Variants in DRC7 observed in about 807,000 individuals in gnomAD.
The protein encoded by DRC7 is dynein regulatory complex subunit 7.
DRC7 carries 80 observed loss-of-function variants against 104.4 expected under a neutral mutation model. The ratio of observed to expected loss-of-function variants is 0.77; its 90% CI spans 0.64 to 0.92. The LOEUF (loss-of-function observed/expected upper bound fraction) is 0.92. Ranked by LOEUF, DRC7 falls within the 40% of genes least tolerant of loss-of-function variation. The pLI is 0.00. For missense variants in DRC7, 1,034 were observed against 1,141.1 expected (o/e 0.91, Z 1.35); for synonymous variants, 405 against 447.3 (o/e 0.91, Z 1.19).
At chr16:57,701,175 G>T (rs1175905675) in intron 5 of DRC7, among the ~76,000 whole-genome samples, 2 of 152,184 alleles carry the variant, frequency 1.3e-5, no homozygotes, top group African/African-American at 2.4e-5. Context: ...ATATCCTGGG[G>T]TTTTTGTAGT....
rs571649528 is a variant in DRC7 at position 57,727,557 on chromosome 16, A to G, written c.2196+148A>G. On this transcript the variant is annotated intron_variant, in intron 16 of 18. Coordinates refer to ENST00000360716, the MANE Select transcript of DRC7 (RefSeq NM_001289162.2). ...TGCGGTCATCCTTGCTGCTGAACTG[A>G]CCATTTCTATGGTTCATCCCAAAGA... 54 of 618,098 alleles carry G rather than the reference A, an allele frequency of 8.7e-5. No homozygotes were observed. The South Asian group carries it at 1.0e-3, about 12-fold the overall frequency. The allele number at this position is 618,098 out of a possible 1,614,324, so 38.3% of individuals were successfully genotyped here.
At chr16:57,721,765 A>T (rs574977064) in intron 10 of DRC7, 26 bp downstream of exon 10, 1 of 1,584,632 alleles carries the variant, frequency 6.3e-7, no homozygotes, top group Non-Finnish European at 8.7e-7. Context: ...GTATTCACTT[A>T]TCCTCTCCAG....
At chr16:57,702,264 C>A in intron 6 of DRC7, 134 bp downstream of exon 6, 1 of 811,736 alleles carries the variant, frequency 1.2e-6, no homozygotes, top group Non-Finnish European at 1.9e-6. Flanking sequence ...CCCTCACCAC[C>A]AGCCCTTCCG....
At chr16:57,703,170 T>C (rs1427254433) in intron 6 of DRC7, among the ~76,000 whole-genome samples, 1 of 133,548 alleles carries the variant, frequency 7.5e-6, no homozygotes, top group East Asian at 2.3e-4. Flanking sequence ...TGAGCCACCG[T>C]GCCTGGCCCT....
intron 8 of DRC7, among the ~76,000 whole-genome samples, chr16:57,708,566 G>A (rs1179238183): frequency 6.6e-6 from 1 of 152,138 alleles, no homozygotes; most frequent in African/African-American, 2.4e-5. Flanking sequence ...ATGAATATTT[G>A]TATACATATA....
Position 57,697,645 on chromosome 16 carries a change from C to G in DRC7, c.-37-268C>G, listed in dbSNP as rs922798764. ...AAATCGACACGTGCCTTTCCCTGTC[C>G]TGTCCTGAGGATGGCTTCCAACCGG... On this transcript the variant is annotated intron_variant, in intron 2 of 18. Transcript: ENST00000360716. Among the ~76,000 whole-genome samples the G allele has an allele frequency of 3.9e-5, 6 of 152,254 alleles. No individual in the cohort carries two copies. The South Asian group carries it at 1.2e-3, about 32-fold the overall frequency.
Position 57,731,235 on chromosome 16 carries a change from G to A in DRC7, c.2602G>A (p.Glu868Lys), listed in dbSNP as rs761797506. The A allele has an allele frequency of 1.9e-6, 3 of 1,613,596 alleles. No individual in the cohort carries two copies. Among genetic ancestry groups the A allele is most frequent in the South Asian group, 1.1e-5 (1 of 91,090 alleles). The change falls in exon 19 of 19, where the codon GAG becomes AAG. Residue 868 changes from glutamate to lysine, a missense_variant. Glu to Lys is a moderately conservative substitution (Grantham distance 56). Transcript: ENST00000360716. ...GCTCTACAAGGACCCACGCCTGGGG[G>A]AGCTCCAGAAAATATTCGCTTGATG... Reference protein sequence around the residue: ...EKLYKDPRLGELQKIFA With the variant: ...EKLYKDPRLGKLQKIFA
At chr16:57,728,309 C>T in intron 16 of DRC7, 81 bp from the exon 17 acceptor site, 1 of 1,365,906 alleles carries the variant, frequency 7.3e-7, no homozygotes, top group Non-Finnish European at 9.9e-7. Flanking sequence ...TGGCTTTGTG[C>T]TGGCACACTG....
Position 57,731,632 on chromosome 16 carries a change from A to C in DRC7, c.*374A>C. ...ATGGTCCCACAGCCATCTGCAAACA[A>C]CTGGTTATATCTCAATGTGACTAGG... On this transcript the variant is annotated 3_prime_UTR_variant, in exon 19 of 19. Transcript: ENST00000360716. The C allele has an allele frequency of 3.9e-6, 1 of 256,382 alleles. No homozygotes were observed. The highest frequency in any genetic ancestry group is 7.6e-6 in the Non-Finnish European group (1 of 131,656). 15.9% of individuals were successfully genotyped at this position (256,382 alleles called of 1,614,324 possible). A position where few individuals can be genotyped will look rare whatever the true frequency, so the allele number is the denominator to read the frequency against.
Position 57,726,927 on chromosome 16 carries a change from G to A in DRC7, c.2070G>A (p.Trp690Ter), listed in dbSNP as rs750887041. 6.2e-7 allele frequency: 1 copy of A among 1,609,068 alleles called. No individual in the cohort carries two copies. Among genetic ancestry groups the A allele is most frequent in the African/African-American group, 1.3e-5 (1 of 74,794 alleles). ...REEKLSRHQV[W>*]ESELEVLEIL... ...AGAAGCTGTCCAGACATCAGGTCTG[G>A]GAGTCAGAGCTGGAGGTAGGGTCCT... The change falls in exon 15 of 19, where the codon TGG becomes TGA. Residue 690 changes from tryptophan to a stop codon, truncating the protein, a stop_gained. Coordinates refer to ENST00000360716, the MANE Select transcript of DRC7 (RefSeq NM_001289162.2). LOFTEE classifies it high-confidence loss of function.
At chr16:57,701,472 GC>G (rs1163237044) in intron 5 of DRC7, 2 of 156,990 alleles carry the variant, frequency 1.3e-5, no homozygotes, top group Non-Finnish European at 2.8e-5. Context: ...GGGAGGCCCG[GC>G]TGCCCGTGGC....
Position 57,699,022 on chromosome 16 carries a change from C to T in DRC7, c.376C>T (p.Pro126Ser). The change falls in exon 4 of 19, where the codon CCC (proline) becomes TCC (serine). Residue 126 changes from proline to serine, a missense_variant and splice_region_variant. Transcript: ENST00000360716. ...FLHPLNECEV[P>S]KFVSTTLRPT... ...GCACCCCCTGAACGAGTGTGAAGTG[C>T]CCGTAAGGCTGGCATGTTGAGGGCA... 6.2e-7 allele frequency: 1 copy of T among 1,613,620 alleles called. No individual in the cohort carries two copies. Among genetic ancestry groups the T allele is most frequent in the South Asian group, 1.1e-5 (1 of 91,060 alleles).
At chr16:57,719,583 C>T (rs2148761821) in intron 9 of DRC7, among the ~76,000 whole-genome samples, 1 of 152,266 alleles carries the variant, frequency 6.6e-6, no homozygotes, top group South Asian at 2.1e-4. Flanking sequence ...GATCATAGCT[C>T]ACTGCAGCCT....
chr16:57,704,376 T>TACACACAAACACACACAC (rs2048690212), intron 6 of DRC7, among the ~76,000 whole-genome samples: 1 of 148,994 alleles, frequency 6.7e-6, no homozygotes, highest in African/African-American at 2.5e-5. Context: ...CACGCAAGCG[T>TACACACAAACACACACAC]ACACACACAC....
chr16:57,701,113 A>C (rs1219331545), intron 5 of DRC7, among the ~76,000 whole-genome samples: 4 of 152,034 alleles, frequency 2.6e-5, no homozygotes, highest in Non-Finnish European at 5.9e-5. Context: ...GGTAAGGGGG[A>C]GGAAGGAGAA....
rs372369779 is a variant in DRC7 at position 57,727,340 on chromosome 16, G to A, written c.2127G>A (p.Ala709=). 2.2e-5 allele frequency: 35 copies of A among 1,613,184 alleles called. No individual in the cohort carries two copies. The highest frequency in any genetic ancestry group is 1.3e-4 in the East Asian group (6 of 44,874). ...AGCTTCGAGAGGAAGAGGAGGCGGC[G>A]CACACACTGACCATCTCCATCTATG... is the stretch of plus-strand genomic sequence containing the variant. The part of the protein sequence containing the change: ...ILKLREEEEA[A]HTLTISIYDT... Residue 709 remains alanine, a synonymous_variant, in exon 16 of 19, where the codon GCG becomes GCA. Transcript: ENST00000360716.
chr16:57,720,708 C>T lies in DRC7; in HGVS notation c.1207-959C>T, dbSNP rs28488127. Among the ~76,000 whole-genome samples, 1,016 of 152,310 alleles carry T rather than the reference C, an allele frequency of 6.7e-3. 9 individuals carry two copies. The highest frequency in any genetic ancestry group is 0.023 in the African/African-American group (948 of 41,558). On this transcript the variant is annotated intron_variant, in intron 9 of 18. Transcript: ENST00000360716. The stretch of plus-strand genomic sequence containing the variant: ...TAGAGATTTTTGACAATACTAACTG[C>T]TGACTGCTCACTCATTTTTGTCCCC...
In DRC7 at chr16:57,726,893, A is replaced by C; in HGVS notation, c.2036A>C (p.Lys679Thr). ...LYQYEAMMHL[K>T]REEKLSRHQV... ...CAGTACGAGGCCATGATGCACCTGA[A>C]GAGGGAGGAGAAGCTGTCCAGACAT... is the stretch of plus-strand genomic sequence containing the variant. The change falls in exon 15 of 19, where the codon AAG becomes ACG. Residue 679 changes from lysine (K) to threonine (T), a missense_variant. Transcript: ENST00000360716. 1 of 1,613,258 alleles carries C rather than the reference A, an allele frequency of 6.2e-7. No homozygotes were observed. The highest frequency in any genetic ancestry group is 1.1e-5 in the South Asian group (1 of 90,992).
chr16:57,713,601 G>A (rs1365176959), intron 8 of DRC7, among the ~76,000 whole-genome samples: 1 of 152,188 alleles, frequency 6.6e-6, no homozygotes, highest in African/African-American at 2.4e-5. Context: ...AGAACTGTGA[G>A]TCCATTAAAC....
Sources: gnomAD v4.1 joint callset for allele counts (sites outside exome capture counted in the v4.1 genomes callset) on GRCh38, gnomAD v4.1.1 for gene constraint, MANE v1.5 for transcripts, NCBI Gene and HGNC (gene_info 2026-07-23, HGNC 2026-07-21) for gene names.